The following DCPH1 variants were observed in gnomAD, a reference collection of about 807,000 sequenced individuals.
DCPH1 encodes damage control phosphatase 1.
the DCPH1 span, among the ~76,000 whole-genome samples, chr6:151,465,453 T>G: frequency 6.6e-6 from 1 of 152,054 alleles, no homozygotes; most frequent in African/African-American, 2.4e-5. Context: ...GCCACAGACC[T>G]GAAGGCAGGG....
the DCPH1 span, chr6:151,454,522 A>G: frequency 5.5e-6 from 6 of 1,087,064 alleles, no homozygotes; most frequent in Non-Finnish European, 8.5e-6. Flanking sequence ...CTGCTAAGTT[A>G]TATATTGCAT....
chr6:151,468,879 G>C, the DCPH1 span: 11 of 1,613,792 alleles, frequency 6.8e-6, no homozygotes, highest in African/African-American at 1.5e-4. Context: ...TTTTATTCAA[G>C]GGTGATTTGA....
chr6:151,466,526 G>A, the DCPH1 span, among the ~76,000 whole-genome samples: 4 of 152,168 alleles, frequency 2.6e-5, no homozygotes, highest in East Asian at 7.7e-4. Context: ...GTGAGCAACA[G>A]GTTAACGTTT....
chr6:151,466,832 A>G, the DCPH1 span, among the ~76,000 whole-genome samples: 1 of 152,234 alleles, frequency 6.6e-6, no homozygotes. Flanking sequence ...CAGTCGCTGA[A>G]GGCCATCGTG....
the DCPH1 span, among the ~76,000 whole-genome samples, chr6:151,458,999 T>C: frequency 6.6e-6 from 1 of 152,012 alleles, no homozygotes; most frequent in African/African-American, 2.4e-5. Context: ...TAGCGAGGCA[T>C]GGTGGCACGG....
the DCPH1 span, chr6:151,468,929 C>G: frequency 6.2e-7 from 1 of 1,614,126 alleles, no homozygotes; most frequent in Non-Finnish European, 8.5e-7. Flanking sequence ...TGGGAGTTTT[C>G]TGTTCCATTT....
the DCPH1 span, chr6:151,452,765 G>C: frequency 1.7e-6 from 1 of 599,792 alleles, no homozygotes. Flanking sequence ...GAAGGGAGGC[G>C]GCCCCGGGGA....
the DCPH1 span, chr6:151,464,335 A>G: frequency 3.4e-6 from 2 of 581,936 alleles, no homozygotes; most frequent in Non-Finnish European, 5.8e-6. Flanking sequence ...GATAAATGTT[A>G]TATCTAGTTT....
chr6:151,469,027 C>G, the DCPH1 span: 1 of 1,614,116 alleles, frequency 6.2e-7, no homozygotes, highest in Non-Finnish European at 8.5e-7. Context: ...GCAGCCTGGG[C>G]AAGGGGAACA....
the DCPH1 span, chr6:151,468,325 G>A: frequency 1.3e-6 from 2 of 1,511,036 alleles, no homozygotes; most frequent in Non-Finnish European, 1.8e-6. Flanking sequence ...TGAATATTTT[G>A]TACTTTTTCT....
the DCPH1 span, among the ~76,000 whole-genome samples, chr6:151,453,217 T>G: frequency 6.6e-6 from 1 of 152,242 alleles, no homozygotes; most frequent in East Asian, 1.9e-4. Context: ...AGTCACTGTT[T>G]CAGGTCATGC....
At chr6:151,456,321 G>A in the DCPH1 span, among the ~76,000 whole-genome samples, 1 of 152,156 alleles carries the variant, frequency 6.6e-6, no homozygotes. Context: ...AATGGTTGGT[G>A]ATCTTTTCTC....
chr6:151,460,869 A>G, the DCPH1 span, among the ~76,000 whole-genome samples: 1 of 152,170 alleles, frequency 6.6e-6, no homozygotes, highest in Non-Finnish European at 1.5e-5. Flanking sequence ...CAGAAGATGT[A>G]AGGAGCTGTC....
At chr6:151,466,813 A>G in the DCPH1 span, among the ~76,000 whole-genome samples, 1 of 152,116 alleles carries the variant, frequency 6.6e-6, no homozygotes, top group Non-Finnish European at 1.5e-5. Context: ...CTAGCACAGA[A>G]CCTGCTCTCA....
At chr6:151,468,753 T>C in the DCPH1 span, 3 of 1,614,076 alleles carry the variant, frequency 1.9e-6, no homozygotes, top group Non-Finnish European at 2.5e-6. Context: ...AAGAGTATAT[T>C]AAAATGGGTA....
chr6:151,459,179 AC>A, the DCPH1 span, among the ~76,000 whole-genome samples: 9 of 152,210 alleles, frequency 5.9e-5, no homozygotes, highest in Non-Finnish European at 1.2e-4. Context: ...AAAGATTCCA[AC>A]AAAGACTTCT....
the DCPH1 span, chr6:151,452,607 C>T: frequency 6.3e-7 from 1 of 1,598,498 alleles, no homozygotes; most frequent in Non-Finnish European, 8.5e-7. Flanking sequence ...CTTTTCTCCT[C>T]CCCACTTTTG....
chr6:151,454,708 A>G, the DCPH1 span: 1 of 862,876 alleles, frequency 1.2e-6, no homozygotes, highest in Non-Finnish European at 1.9e-6. Flanking sequence ...GAAACATAAT[A>G]AATAGTTCTT....
the DCPH1 span, chr6:151,469,102 C>A: frequency 6.2e-7 from 1 of 1,607,340 alleles, no homozygotes; most frequent in Non-Finnish European, 8.5e-7. Context: ...GTACGATGGT[C>A]CCCTTTGACT....
Sources: gnomAD v4.1 joint callset for allele counts (sites outside exome capture counted in the v4.1 genomes callset) on GRCh38, gnomAD v4.1.1 for gene constraint, MANE v1.5 for transcripts, NCBI Gene and HGNC (gene_info 2026-07-23, HGNC 2026-07-21) for gene names.